DNAAF9: variants seen among roughly 807,000 people sequenced by gnomAD.
DNAAF9 encodes the protein shulin.
A neutral mutation model predicts 167.0 loss-of-function variants in DNAAF9; 90 were observed. The observed-to-expected ratio is 0.54, with a 90% CI of 0.45 to 0.64. The LOEUF is 0.64. Among genes scored for constraint, DNAAF9 ranks in the 30% least tolerant of loss-of-function variants. The probability of loss-of-function intolerance (pLI) is 0.00; values close to 1 mark genes in which losing one functional copy is unlikely to be tolerated. For missense variants in DNAAF9, 1,315 were observed against 1,442.2 expected (o/e 0.91, Z 1.43); for synonymous variants, 491 against 508.8 (o/e 0.96, Z 0.47).
intron 1 of DNAAF9, chr20:3,384,236 T>C (rs982621196): frequency 6.6e-6 from 1 of 152,244 alleles, no homozygotes; most frequent in Non-Finnish European, 1.5e-5. Flanking sequence ...CCAAAGACTA[T>C]ACTTTCAGGG....
At chr20:3,368,990 A>G (rs142406012) in intron 6 of DNAAF9, among the ~76,000 whole-genome samples, 25,229 of 152,004 alleles carry the variant, frequency 0.17, 2,278 homozygotes, top group Non-Finnish European at 0.19. Flanking sequence ...TTAGCCAGGC[A>G]TGGTGGAGCA....
Position 3,343,729 on chromosome 20 carries a change from T to G in DNAAF9, c.792A>C (p.Pro264=). 5 of 1,611,898 alleles carry G rather than the reference T, an allele frequency of 3.1e-6. No homozygotes were observed. Among genetic ancestry groups the G allele is most frequent in the Non-Finnish European group, 4.2e-6 (5 of 1,178,212 alleles). ...LELSESQAGE[P]FRSYFSHGMI... Reference sequence around the variant, plus strand: ...TTCCATGACTGAAATAACTTCTGAATGGCTAAAAAGAAGCCAACATTGTAT... The same window carrying G: ...TTCCATGACTGAAATAACTTCTGAAGGGCTAAAAAGAAGCCAACATTGTAT... Residue 264 remains proline (P), a splice_region_variant and synonymous_variant, in exon 9 of 37, where the codon CCA becomes CCC. Coordinates refer to ENST00000252032, the MANE Select transcript of DNAAF9 (RefSeq NM_001009984.3).
intron 28 of DNAAF9, among the ~76,000 whole-genome samples, chr20:3,280,321 T>C (rs1188280424): frequency 1.3e-5 from 2 of 152,006 alleles, no homozygotes; most frequent in African/African-American, 2.4e-5. Flanking sequence ...CCAGCACTTT[T>C]GGAGGCTGAG....
Position 3,281,723 on chromosome 20 carries a change from G to C in DNAAF9, c.2530C>G (p.Pro844Ala). ...IDVVQALQTH[P>A]DSNVKASFTI... ...AAGGAGGCCTTGACATTTGAGTCTG[G>C]GTGGGTCTGCAGGGCCTGGACAACA... is the stretch of plus-strand genomic sequence containing the variant. Residue 844 changes from proline to alanine, a missense_variant, in exon 28 of 37, where the codon CCA becomes GCA. By Grantham distance (27) the Pro-to-Ala change is conservative. Coordinates refer to ENST00000252032, the MANE Select transcript of DNAAF9 (RefSeq NM_001009984.3). 2 of 1,612,658 alleles carry C rather than the reference G, an allele frequency of 1.2e-6. No homozygotes were observed. Among genetic ancestry groups the C allele is most frequent in the Admixed American group, 1.7e-5 (1 of 59,832 alleles).
chr20:3,366,490 T>A (rs11698615), intron 6 of DNAAF9, among the ~76,000 whole-genome samples: 1,669 of 152,282 alleles, frequency 0.011, 11 homozygotes, highest in Non-Finnish European at 0.018. Context: ...CAGAGTAGAT[T>A]TGGCATAATC....
Position 3,348,598 on chromosome 20 carries a change from C to G in DNAAF9, c.716G>C (p.Trp239Ser). 4 of 1,601,232 alleles carry G rather than the reference C, an allele frequency of 2.5e-6. No homozygotes were observed. The highest frequency in any genetic ancestry group is 3.4e-6 in the Non-Finnish European group (4 of 1,172,852). ...GTCAAAATTAGCGAAGAAGCTAGTCCACTGATGTTCAAAAGCCACCAAATC... is the reference window on the plus strand; with the variant it reads ...GTCAAAATTAGCGAAGAAGCTAGTCGACTGATGTTCAAAAGCCACCAAATC... ...SDDLVAFEHQ[W>S]TSFFANFDTE... Residue 239 changes from tryptophan to serine, a missense_variant, in exon 8 of 37, where the codon TGG becomes TCG. Transcript: ENST00000252032.
At chr20:3,309,505 G>A (rs570964790) in intron 20 of DNAAF9, among the ~76,000 whole-genome samples, 3 of 152,286 alleles carry the variant, frequency 2.0e-5, no homozygotes, top group African/African-American at 7.2e-5. Context: ...GAACAGAACA[G>A]AGAGCCTATT....
At chr20:3,402,623 G>A (rs1446063136) in intron 1 of DNAAF9, among the ~76,000 whole-genome samples, 1 of 151,736 alleles carries the variant, frequency 6.6e-6, no homozygotes, top group Non-Finnish European at 1.5e-5. Flanking sequence ...TGTTGCCCAG[G>A]CTGGAGTGCA....
chr20:3,370,440 T>A (rs2083492054), intron 6 of DNAAF9, among the ~76,000 whole-genome samples: 1 of 139,802 alleles, frequency 7.2e-6, no homozygotes, highest in Admixed American at 7.0e-5. Flanking sequence ...AGATGGAGTC[T>A]CACACTGTCG....
chr20:3,283,722 T>C (rs1203554715), intron 27 of DNAAF9, among the ~76,000 whole-genome samples: 1 of 152,228 alleles, frequency 6.6e-6, no homozygotes, highest in Non-Finnish European at 1.5e-5. Flanking sequence ...ATGTGAAACA[T>C]GTGCTCACTC....
intron 21 of DNAAF9, among the ~76,000 whole-genome samples, chr20:3,302,715 A>G (rs1283410573): frequency 3.3e-5 from 5 of 152,352 alleles, no homozygotes; most frequent in African/African-American, 1.2e-4. Flanking sequence ...GTTCATTTAT[A>G]TAACATTCTA....
At chr20:3,347,028 A>C (rs980398636) in intron 8 of DNAAF9, among the ~76,000 whole-genome samples, 5 of 152,162 alleles carry the variant, frequency 3.3e-5, no homozygotes, top group African/African-American at 9.6e-5. Context: ...ACAAAATCCA[A>C]GCACAAGAAA....
At chr20:3,306,491 A>G (rs2069296203) in intron 20 of DNAAF9, among the ~76,000 whole-genome samples, 1 of 152,138 alleles carries the variant, frequency 6.6e-6, no homozygotes, top group Admixed American at 6.5e-5. Flanking sequence ...CTGTTTTCAC[A>G]ATTGTAACAG....
At chr20:3,328,519 C>T (rs2069758839) in intron 12 of DNAAF9, among the ~76,000 whole-genome samples, 1 of 152,152 alleles carries the variant, frequency 6.6e-6, no homozygotes, top group South Asian at 2.1e-4. Flanking sequence ...TCCACATGTT[C>T]CACTGGATCT....
intron 6 of DNAAF9, among the ~76,000 whole-genome samples, chr20:3,365,406 TTTTTAGG>T (rs1686514762): frequency 7.0e-6 from 1 of 142,728 alleles, no homozygotes; most frequent in Non-Finnish European, 1.6e-5. Context: ...TATTTATTTA[TTTTTAGG>T]AGGAGTCTCG....
chr20:3,291,850 C>G (rs1244176631), intron 25 of DNAAF9, among the ~76,000 whole-genome samples: 1 of 152,138 alleles, frequency 6.6e-6, no homozygotes, highest in Admixed American at 6.5e-5. Context: ...CCCCTTTCTA[C>G]CCCTCAGGCA....
At chr20:3,326,374 C>T in intron 12 of DNAAF9, 90 bp from the exon 13 acceptor site, 1 of 881,736 alleles carries the variant, frequency 1.1e-6, no homozygotes. Context: ...CCCTAAGAAA[C>T]TGATTTTTAA....
rs1237819699 is a variant in DNAAF9, at chr20:3,330,748, T to C, written c.1064-66A>G. The C allele has an allele frequency of 4.3e-5, 39 of 897,260 alleles. No homozygotes were observed. In the South Asian group the frequency reaches 4.8e-4, roughly 11 times the overall value. The allele number at this position is 897,260 out of a possible 1,614,324, so 55.6% of individuals were successfully genotyped here. On this transcript the variant is annotated intron_variant, in intron 11 of 36. Transcript: ENST00000252032. The stretch of plus-strand genomic sequence containing the variant: ...ATATGCAAACACTTAACAAGGAAGC[T>C]AGAAATGCTTAATTTACCTGGAAGG...
chr20:3,271,524 C>T (rs539736630), intron 29 of DNAAF9, among the ~76,000 whole-genome samples: 8 of 151,984 alleles, frequency 5.3e-5, no homozygotes, highest in African/African-American at 1.7e-4. Context: ...ATTATAATAC[C>T]CCTTCCATAT....
Sources: gnomAD v4.1 joint callset for allele counts (sites outside exome capture counted in the v4.1 genomes callset) on GRCh38, gnomAD v4.1.1 for gene constraint, MANE v1.5 for transcripts, NCBI Gene and HGNC (gene_info 2026-07-23, HGNC 2026-07-21) for gene names.